The following ZNF76 variants were observed in gnomAD, a reference collection of about 807,000 sequenced individuals.
The protein encoded by ZNF76 is zinc finger protein 76.
In ZNF76, 66 loss-of-function variants were observed where a neutral mutation model predicts 66.9. That is an observed-to-expected ratio of 0.99 (90% CI 0.81 to 1.21). The LOEUF is 1.21. ZNF76 is among the 50% of genes most tolerant of loss of function. The pLI is 0.00. For missense variants in ZNF76, 729 were observed against 760.3 expected, an observed-to-expected ratio of 0.96 and a Z score of 0.48; for synonymous variants, 275 against 296.1, an observed-to-expected ratio of 0.93 and a Z score of 0.73.
intron 1 of ZNF76, among the ~76,000 whole-genome samples, chr6:35,277,019 G>A (rs1047279926): frequency 1.4e-4 from 21 of 149,612 alleles, no homozygotes; most frequent in African/African-American, 4.9e-4. Flanking sequence ...GGCTGGTCTC[G>A]AACTCCTGAT....
rs200092038 is a variant in ZNF76 at position 35,290,269 on chromosome 6, C to T, written c.436C>T (p.Leu146Phe). The change falls in exon 6 of 14, where the codon CTT becomes TTT. Residue 146 changes from leucine to phenylalanine, a missense_variant. Coordinates refer to ENST00000373953, the MANE Select transcript of ZNF76 (RefSeq NM_003427.5). Reference sequence around the variant, plus strand: ...GATCTCAAGACTTTTCCCCCAGGTTCTTCATGACAGCCAGATTCCCCGTAA... The same window carrying T: ...GATCTCAAGACTTTTCCCCCAGGTTTTTCATGACAGCCAGATTCCCCGTAA... ...VALEQYASKV[L>F]HDSQIPRNGK... 1.5e-5 allele frequency: 24 copies of T among 1,614,040 alleles called. No individual in the cohort carries two copies. The highest frequency in any genetic ancestry group is 2.0e-5 in the Non-Finnish European group (24 of 1,180,024).
intron 1 of ZNF76, among the ~76,000 whole-genome samples, chr6:35,273,043 C>A (rs1787343552): frequency 6.6e-6 from 1 of 151,998 alleles, no homozygotes; most frequent in African/African-American, 2.4e-5. Context: ...GTAATCCCAG[C>A]TACTCTGGAG....
intron 2 of ZNF76, among the ~76,000 whole-genome samples, chr6:35,283,494 T>G (rs982516689): frequency 1.3e-5 from 2 of 152,242 alleles, no homozygotes; most frequent in African/African-American, 2.4e-5. Flanking sequence ...AGTGGAAGAA[T>G]GTGCTATTAA....
chr6:35,286,051 C>A, intron 2 of ZNF76, 77 bp from the exon 3 acceptor site: 1 of 1,385,614 alleles, frequency 7.2e-7, no homozygotes, highest in Non-Finnish European at 1.0e-6. Context: ...TCAAATAAGC[C>A]TCAGCTAAAA....
chr6:35,264,543 A>G (rs1785717950), intron 1 of ZNF76, among the ~76,000 whole-genome samples: 1 of 152,230 alleles, frequency 6.6e-6, no homozygotes. Context: ...GAGGTTCATT[A>G]TACCATTCTT....
Position 35,295,371 on chromosome 6 carries a change from G to T in ZNF76, c.*123G>T, listed in dbSNP as rs975058930. On this transcript the variant is annotated 3_prime_UTR_variant, in exon 14 of 14. Coordinates refer to ENST00000373953, the MANE Select transcript of ZNF76 (RefSeq NM_003427.5). Reference sequence around the variant, plus strand: ...GTGGCCACATAGGTCTCTGGGGTGAGAAGACAGCAAGAAAACTGCCTAACT... The same window carrying T: ...GTGGCCACATAGGTCTCTGGGGTGATAAGACAGCAAGAAAACTGCCTAACT... The T allele has an allele frequency of 1.3e-5, 11 of 839,142 alleles. No homozygotes were observed. In the African/African-American group the frequency reaches 1.7e-4, roughly 13 times the overall value. The allele number at this position is 839,142 out of a possible 1,614,324, so 52.0% of individuals were successfully genotyped here. A position where few individuals can be genotyped will look rare whatever the true frequency, so the allele number is the denominator to read the frequency against.
chr6:35,287,750 G>C lies in ZNF76; in HGVS notation c.337G>C (p.Val113Leu), dbSNP rs547214677. Residue 113 changes from valine to leucine, a missense_variant, in exon 5 of 14, where the codon GTA becomes CTA. By Grantham distance (32) the Val-to-Leu change is conservative. Transcript: ENST00000373953. This position sits in a 1 kb window ranked among gnomAD's most constrained non-coding sequence, Gnocchi z 4.0. ...AVPSESTILA[V>L]QTEVGLEDLA... The stretch of plus-strand genomic sequence containing the variant: ...GCCATCGGAGAGCACCATCCTGGCC[G>C]TACAGACAGAGGTGGGCTTGGAGGA... The C allele has an allele frequency of 2.5e-6, 4 of 1,614,072 alleles. No homozygotes were observed.
intron 13 of ZNF76, chr6:35,294,856 A>G: frequency 1.8e-6 from 1 of 569,674 alleles, no homozygotes; most frequent in South Asian, 2.0e-5. Flanking sequence ...CTGGAAATGA[A>G]GGAGGCTGAC....
rs770075227 is a variant in ZNF76, at chr6:35,293,735, C to A, written c.1330-16C>A. ...TCCACTGACACTGCCAGCTCATCTT[C>A]CCCTCCTGTTGGCAGGTCAGCCTGT... On this transcript the variant is annotated splice_polypyrimidine_tract_variant and intron_variant, in intron 11 of 13. Transcript: ENST00000373953. 6.2e-7 allele frequency: 1 copy of A among 1,612,366 alleles called. No individual in the cohort carries two copies. The highest frequency in any genetic ancestry group is 8.5e-7 in the Non-Finnish European group (1 of 1,178,884).
At chr6:35,285,086 A>G (rs1165806607) in intron 2 of ZNF76, among the ~76,000 whole-genome samples, 1 of 152,218 alleles carries the variant, frequency 6.6e-6, no homozygotes, top group Non-Finnish European at 1.5e-5. Flanking sequence ...GACTCACTGG[A>G]CACAAGGAAG....
chr6:35,285,641 ATTG>A (rs976802282), intron 2 of ZNF76, among the ~76,000 whole-genome samples: 26 of 152,194 alleles, frequency 1.7e-4, no homozygotes, highest in Admixed American at 9.2e-4. Context: ...TCCAGAGTCT[ATTG>A]TTTTTAACCA....
chr6:35,290,304 G>T lies in ZNF76; in HGVS notation c.471G>T (p.Gly157=), dbSNP rs747214264. 14 of 1,614,100 alleles carry T rather than the reference G, an allele frequency of 8.7e-6. No individual in the cohort carries two copies. In the African/African-American group the frequency reaches 1.9e-4, roughly 22 times the overall value. ...HDSQIPRNGK[G]QQVGDRAFRC... is the part of the protein sequence containing the mutation. ...GCCAGATTCCCCGTAATGGAAAAGG[G>T]CAGCAAGTTGGAGACAGAGCATTCC... The change falls in exon 6 of 14, where the codon GGG becomes GGT. Residue 157 remains glycine, a synonymous_variant. Coordinates refer to ENST00000373953, the MANE Select transcript of ZNF76 (RefSeq NM_003427.5).
Position 35,293,806 on chromosome 6 carries a change from C to T in ZNF76, c.1385C>T (p.Thr462Ile), listed in dbSNP as rs1211142042. ...QALGSAISMV[T>I]QHGSTTLTIP... is the part of the protein sequence containing the mutation. ...CTGGGGAGTGCCATCAGTATGGTCACCCAGCACGGCAGCACCACCCTCACC... is the reference window on the plus strand; with the variant it reads ...CTGGGGAGTGCCATCAGTATGGTCATCCAGCACGGCAGCACCACCCTCACC... The change falls in exon 12 of 14, where the codon ACC becomes ATC. Residue 462 changes from threonine to isoleucine, a missense_variant. By Grantham distance (89) the Thr-to-Ile change is moderately conservative. Coordinates refer to ENST00000373953, the MANE Select transcript of ZNF76 (RefSeq NM_003427.5). 6.2e-7 allele frequency: 1 copy of T among 1,614,124 alleles called. No individual in the cohort carries two copies. Among genetic ancestry groups the T allele is most frequent in the African/African-American group, 1.3e-5 (1 of 75,052 alleles).
chr6:35,273,715 C>A, intron 1 of ZNF76, among the ~76,000 whole-genome samples: 1 of 104,564 alleles, frequency 9.6e-6, no homozygotes, highest in Admixed American at 1.2e-4. Context: ...CGGGAGACTC[C>A]ATCTCACAAA....
At position 35,293,903 on chromosome 6, in the gene ZNF76, C is replaced by G; in HGVS notation, c.1482C>G (p.Thr494=). 1 of 1,613,980 alleles carries G rather than the reference C, an allele frequency of 6.2e-7. No individual in the cohort carries two copies. Among genetic ancestry groups the G allele is most frequent in the South Asian group, 1.1e-5 (1 of 91,068 alleles). The change falls in exon 12 of 14, where the codon ACC becomes ACG. Residue 494 remains threonine (T), a synonymous_variant. Transcript: ENST00000373953. Reference sequence around the variant, plus strand: ...TCACCATGGTCAGCGCCGATGGCACCCAGACGCAGCCCGTATGACCAGGCG... The same window carrying G: ...TCACCATGGTCAGCGCCGATGGCACGCAGACGCAGCCCGTATGACCAGGCG... The part of the protein sequence containing the change: ...HTVTMVSADG[T]QTQPVTIITS...
chr6:35,263,217 C>G (rs1234996679), intron 1 of ZNF76, among the ~76,000 whole-genome samples: 1 of 152,184 alleles, frequency 6.6e-6, no homozygotes, highest in Non-Finnish European at 1.5e-5. Flanking sequence ...ACCAAAGGAT[C>G]TTGGTTTTTT....
intron 1 of ZNF76, among the ~76,000 whole-genome samples, chr6:35,271,370 T>C (rs1787030816): frequency 6.6e-6 from 1 of 152,176 alleles, no homozygotes; most frequent in South Asian, 2.1e-4. Flanking sequence ...TTGCTTTGAG[T>C]TAAGAATATA....
At chr6:35,260,985 T>C (rs908364678) in intron 1 of ZNF76, among the ~76,000 whole-genome samples, 1 of 152,166 alleles carries the variant, frequency 6.6e-6, no homozygotes, top group Non-Finnish European at 1.5e-5. Flanking sequence ...GTTAACATGT[T>C]TGCAAAGCAG....
chr6:35,284,900 A>G (rs757482969), intron 2 of ZNF76, among the ~76,000 whole-genome samples: 21 of 152,098 alleles, frequency 1.4e-4, no homozygotes, highest in Middle Eastern at 3.4e-3. Context: ...TTGTAGAGAC[A>G]GGGTTTTGTC....
Sources: allele counts gnomAD v4.1 joint callset (sites outside exome capture counted in the v4.1 genomes callset), GRCh38; gene constraint gnomAD v4.1.1; non-coding constraint Gnocchi (gnomAD v3.1); transcripts MANE v1.5; gene names NCBI Gene and HGNC (gene_info 2026-07-23, HGNC 2026-07-21).